TFEC: variants seen among roughly 807,000 people sequenced by gnomAD.
TFEC encodes the protein transcription factor EC.
Under a neutral mutation model 41.6 loss-of-function variants are expected in TFEC, and 31 were observed. That is an observed-to-expected ratio of 0.74 (90% CI 0.56 to 1.01). TFEC has a LOEUF of 1.01. Ranked by LOEUF, TFEC falls within the 50% of genes least tolerant of loss-of-function variation. The probability of loss-of-function intolerance (pLI) is 0.00; values close to 1 mark genes in which losing one functional copy is unlikely to be tolerated. For missense variants in TFEC, 402 were observed against 404.1 expected (o/e 0.99, Z 0.04); for synonymous variants, 143 against 140.6 (o/e 1.02, Z -0.12).
intron 3 of TFEC, among the ~76,000 whole-genome samples, chr7:116,057,298 G>T (rs1452698510): frequency 6.6e-6 from 1 of 151,932 alleles, no homozygotes; most frequent in African/African-American, 2.4e-5. Context: ...TAAATCCATA[G>T]ATTCAAGAAG....
intron 3 of TFEC, among the ~76,000 whole-genome samples, chr7:116,085,653 A>G (rs554372145): frequency 4.3e-4 from 66 of 152,068 alleles, no homozygotes; most frequent in African/African-American, 1.5e-3. Context: ...GTTTGTTTAT[A>G]GATTTCATTA....
rs550370799 is a variant in TFEC at position 116,152,100 on chromosome 7, G to C, written c.-69+7690C>G. On this transcript the variant is annotated intron_variant, in intron 1 of 8. Coordinates refer to the TFEC transcript ENST00000484212. ...GAATTAATAAAAAAGTGGTATTTAG[G>C]AGCAATTTGCGCAAAAAGTTTAGTT... Among the ~76,000 whole-genome samples, 8 of 152,128 alleles carry C rather than the reference G, an allele frequency of 5.3e-5. No homozygotes were observed. In the East Asian group the frequency reaches 1.5e-3, roughly 29 times the overall value.
intron 1 of TFEC, among the ~76,000 whole-genome samples, chr7:116,025,903 T>C (rs972849463): frequency 1.3e-5 from 2 of 152,212 alleles, no homozygotes; most frequent in African/African-American, 4.8e-5. Context: ...GTATTACCCA[T>C]AGTCACCACA....
intron 6 of TFEC, among the ~76,000 whole-genome samples, chr7:115,949,899 C>T (rs1003757089): frequency 6.6e-6 from 1 of 152,074 alleles, no homozygotes; most frequent in Non-Finnish European, 1.5e-5. Context: ...AAACTACCAT[C>T]AGAATGAACA....
intron 1 of TFEC, among the ~76,000 whole-genome samples, chr7:116,122,045 A>G (rs1304537861): frequency 2.0e-5 from 3 of 152,042 alleles, no homozygotes; most frequent in Non-Finnish European, 4.4e-5. Context: ...GAAATGTTGG[A>G]AATAAATTAT....
chr7:115,993,246 T>C (rs1289611391), intron 1 of TFEC, among the ~76,000 whole-genome samples: 1 of 152,108 alleles, frequency 6.6e-6, no homozygotes. Flanking sequence ...CCACAGCCAA[T>C]ATCATACTGA....
chr7:116,031,637 T>A (rs1484455713), upstream of TFEC, among the ~76,000 whole-genome samples: 14 of 152,204 alleles, frequency 9.2e-5, no homozygotes, highest in Non-Finnish European at 1.0e-4. Context: ...AAGTTTAATG[T>A]GAAGGTTACA....
At chr7:116,129,586 CT>C (rs932837265) in intron 1 of TFEC, among the ~76,000 whole-genome samples, 3,851 of 106,884 alleles carry the variant, frequency 0.036, 29 homozygotes, top group African/African-American at 0.056. Flanking sequence ...AATATTCTTA[CT>C]TTTTTTTTTT....
intron 3 of TFEC, among the ~76,000 whole-genome samples, chr7:116,056,135 A>G (rs922461427): frequency 6.6e-6 from 1 of 152,120 alleles, no homozygotes; most frequent in African/African-American, 2.4e-5. Context: ...CTACCTTTCA[A>G]GAGACTAGAC....
intron 1 of TFEC, among the ~76,000 whole-genome samples, chr7:115,987,105 C>T (rs1793893987): frequency 6.6e-6 from 1 of 152,094 alleles, no homozygotes; most frequent in African/African-American, 2.4e-5. Context: ...GGGACTAACT[C>T]TAATTCTCCC....
At chr7:116,129,523 T>C (rs961430641) in intron 1 of TFEC, among the ~76,000 whole-genome samples, 2 of 151,328 alleles carry the variant, frequency 1.3e-5, no homozygotes, top group Non-Finnish European at 2.9e-5. Context: ...AGGAGCAAAA[T>C]CTAGAAAACA....
At position 115,937,440 on chromosome 7, in the gene TFEC, TACTC is replaced by T. The variant is rs1177267993; in HGVS notation, c.*3107_*3110del. 3 of 151,766 alleles carry T rather than the reference TACTC, an allele frequency of 2.0e-5. No individual in the cohort carries two copies. The highest frequency in any genetic ancestry group is 4.4e-5 in the Non-Finnish European group (3 of 67,744). 9.4% of individuals were successfully genotyped at this position (151,766 alleles called of 1,614,324 possible). ...CTAGAAGTCTATCTTGTTTCTTAGATACTCAAATAATTTGCTTTTAAATTCACAC... is the reference window on the plus strand; with the variant it reads ...CTAGAAGTCTATCTTGTTTCTTAGATAAATAATTTGCTTTTAAATTCACAC... On this transcript the variant is annotated 3_prime_UTR_variant, in exon 8 of 8. Coordinates refer to ENST00000265440, the MANE Select transcript of TFEC (RefSeq NM_012252.4).
At chr7:116,091,760 A>G (rs1287485965) in intron 3 of TFEC, among the ~76,000 whole-genome samples, 2 of 152,130 alleles carry the variant, frequency 1.3e-5, no homozygotes, top group African/African-American at 4.8e-5. Flanking sequence ...GAAAATGTGC[A>G]TTGTTCTAAA....
Position 116,037,979 on chromosome 7 carries a change from T to C in TFEC, c.199-53466A>G, listed in dbSNP as rs575243540. 4.6e-5 allele frequency among the ~76,000 whole-genome samples: 7 copies of C among 152,094 alleles called. No individual in the cohort carries two copies. The South Asian group carries it at 1.2e-3, about 27-fold the overall frequency. ...ACGCATTTCATCTATCTCGATGAGC[T>C]TCAGAAACATCAACTCATCAATATC... On this transcript the variant is annotated intron_variant, in intron 3 of 8. Transcript: ENST00000484212.
rs563377065 is a variant in TFEC, at chr7:116,125,069, G to A, written c.-68-13031C>T. ...GCCCACAATTAGAAAGATGTTATAAGATGTTTTGTGAGTACAAAGTAAATC... is the reference window on the plus strand; with the variant it reads ...GCCCACAATTAGAAAGATGTTATAAAATGTTTTGTGAGTACAAAGTAAATC... On this transcript the variant is annotated intron_variant, in intron 1 of 8. Coordinates refer to the TFEC transcript ENST00000484212. Among the ~76,000 whole-genome samples, 37 of 152,266 alleles carry A rather than the reference G, an allele frequency of 2.4e-4. No individual in the cohort carries two copies. The South Asian group carries it at 6.0e-3, about 25-fold the overall frequency.
At chr7:116,157,642 G>A (rs546972345) in intron 1 of TFEC, among the ~76,000 whole-genome samples, 5 of 152,154 alleles carry the variant, frequency 3.3e-5, no homozygotes, top group Non-Finnish European at 7.4e-5. Context: ...ACTAGGAGAC[G>A]AACAGATGCA....
Position 116,102,376 on chromosome 7 carries a change from T to C in TFEC, c.198+8332A>G, listed in dbSNP as rs144481351. On this transcript the variant is annotated intron_variant, in intron 3 of 8. Coordinates refer to the TFEC transcript ENST00000484212. ...TTGTTTGGAAAAAGGGTATCAATCA[T>C]AGTCACATTTAGATGATGACTGATC... 5.9e-5 allele frequency among the ~76,000 whole-genome samples: 9 copies of C among 152,294 alleles called. No individual in the cohort carries two copies. The South Asian group carries it at 1.7e-3, about 28-fold the overall frequency.
intron 3 of TFEC, among the ~76,000 whole-genome samples, chr7:116,048,246 GA>G (rs762630112): frequency 9.9e-5 from 15 of 152,176 alleles, no homozygotes; most frequent in Admixed American, 4.6e-4. Context: ...AAGATTAGAC[GA>G]ATGGCTAACT....
At chr7:116,049,620 C>T (rs1467134227) in intron 3 of TFEC, among the ~76,000 whole-genome samples, 9 of 152,172 alleles carry the variant, frequency 5.9e-5, no homozygotes, top group Non-Finnish European at 1.3e-4. Flanking sequence ...AGCTCTGCAC[C>T]GAGTGGACCT....
Sources: allele counts gnomAD v4.1 joint callset (sites outside exome capture counted in the v4.1 genomes callset), GRCh38; gene constraint gnomAD v4.1.1; transcripts MANE v1.5; gene names NCBI Gene and HGNC (gene_info 2026-07-23, HGNC 2026-07-21).